The following HPS3 variants were observed in gnomAD, a reference collection of about 807,000 sequenced individuals.
HPS3 encodes the protein BLOC-2 complex member HPS3.
A neutral mutation model predicts 110.9 loss-of-function variants in HPS3; 79 were observed. That is an observed-to-expected ratio of 0.71 (90% confidence interval 0.59 to 0.86). The LOEUF is 0.86. Ranked by LOEUF, HPS3 falls within the 40% of genes least tolerant of loss-of-function variation. HPS3 has a pLI of 0.00. For synonymous variants in HPS3, 428 were observed against 451.0 expected, an observed-to-expected ratio of 0.95 and a Z score of 0.65; for missense variants, 1,197 against 1,206.2, an observed-to-expected ratio of 0.99 and a Z score of 0.11.
At position 149,129,800 on chromosome 3, in the gene HPS3, G is replaced by A; in HGVS notation, c.77G>A (p.Cys26Tyr). The change falls in exon 1 of 17, where the codon TGT becomes TAT. Residue 26 changes from cysteine (C) to tyrosine (Y), a missense_variant. By Grantham distance (194) the Cys-to-Tyr change is radical. Coordinates refer to ENST00000296051, the MANE Select transcript of HPS3 (RefSeq NM_032383.5). ...VPCKLEPDRF[C>Y]GGGRDALFVA... ...TGCAAGCTGGAGCCGGACCGGTTCT[G>A]TGGCGGGGGGCGTGACGCGCTTTTC... 1 of 1,606,504 alleles carries A rather than the reference G, an allele frequency of 6.2e-7. No homozygotes were observed. The highest frequency in any genetic ancestry group is 8.5e-7 in the Non-Finnish European group (1 of 1,178,374).
In HPS3 at chr3:149,172,429, C is replaced by T. The variant is rs1725097839; in HGVS notation, c.*207C>T. 4.1e-6 allele frequency: 2 copies of T among 484,988 alleles called. No individual in the cohort carries two copies. The highest frequency in any genetic ancestry group is 3.3e-5 in the Admixed American group (1 of 30,046). 30.0% of individuals were successfully genotyped at this position (484,988 alleles called of 1,614,324 possible). A position where few individuals can be genotyped will look rare whatever the true frequency, so the allele number is the denominator to read the frequency against. On this transcript the variant is annotated 3_prime_UTR_variant, in exon 17 of 17. Transcript: ENST00000296051. ...AACTATTCACTTCTTAATTTATGACCTCAATCAATTTAATTGTCTAGAATG... is the reference window on the plus strand; with the variant it reads ...AACTATTCACTTCTTAATTTATGACTTCAATCAATTTAATTGTCTAGAATG...
At chr3:149,144,225 A>G (rs1259869059) in intron 4 of HPS3, among the ~76,000 whole-genome samples, 1 of 151,038 alleles carries the variant, frequency 6.6e-6, no homozygotes, top group Non-Finnish European at 1.5e-5. Flanking sequence ...AAAAAAAAAA[A>G]AAAAAAAATT....
rs113015797 is a variant in HPS3, at chr3:149,172,318, T to TCACACA, written c.*129_*134dup. On this transcript the variant is annotated 3_prime_UTR_variant, in exon 17 of 17. Coordinates refer to ENST00000296051, the MANE Select transcript of HPS3 (RefSeq NM_032383.5). ...GTAGAGGAGTTTTTTATTTTATATA[T>TCACACA]CACACACACACACACACACACACAC... 11,323 of 570,908 alleles carry TCACACA rather than the reference T, an allele frequency of 0.02. 102 individuals are homozygous for TCACACA. Among genetic ancestry groups the TCACACA allele is most frequent in the East Asian group, 0.056 (1,522 of 27,016 alleles). The allele number at this position is 570,908 out of a possible 1,614,324, so 35.4% of individuals were successfully genotyped here.
intron 5 of HPS3, among the ~76,000 whole-genome samples, chr3:149,148,012 A>C (rs1722880825): frequency 6.6e-6 from 1 of 152,008 alleles, no homozygotes; most frequent in Non-Finnish European, 1.5e-5. Flanking sequence ...CTGGGATTAT[A>C]GGCACCTGCC....
At chr3:149,145,674 G>GT in intron 5 of HPS3, 128 bp downstream of exon 5, 2 of 797,950 alleles carry the variant, frequency 2.5e-6, no homozygotes, top group Non-Finnish European at 2.2e-6. Context: ...ACATGTCATT[G>GT]TAAGTCTGTC....
At chr3:149,160,818 G>A (rs7646151) in intron 11 of HPS3, among the ~76,000 whole-genome samples, 73,161 of 152,038 alleles carry the variant, frequency 0.48, 18,095 homozygotes, top group African/African-American at 0.59. Flanking sequence ...GAAGAAAATA[G>A]GAGGTAGTGT....
At chr3:149,143,206 G>T (rs12487928) in intron 4 of HPS3, among the ~76,000 whole-genome samples, 51,906 of 151,892 alleles carry the variant, frequency 0.34, 9,607 homozygotes, top group African/African-American at 0.5. Context: ...TAAGCCCATC[G>T]TGTCCCACTC....
chr3:149,133,530 C>G (rs1447156435), intron 1 of HPS3, among the ~76,000 whole-genome samples: 2 of 152,062 alleles, frequency 1.3e-5, no homozygotes, highest in Non-Finnish European at 2.9e-5. Context: ...AACTCCCGAC[C>G]TCAGGTGATC....
At position 149,170,312 on chromosome 3, in the gene HPS3, T is replaced by C. The variant is rs1336810798; in HGVS notation, c.2888-1783T>C. Among the ~76,000 whole-genome samples, 3 of 152,324 alleles carry C rather than the reference T, an allele frequency of 2.0e-5. No individual in the cohort carries two copies. The East Asian group carries it at 5.8e-4, about 29-fold the overall frequency. On this transcript the variant is annotated intron_variant, in intron 16 of 16. Transcript: ENST00000296051. ...AGCTCTCCAACTCAGTTTTTTTGTT[T>C]CTGAGATGCTACTTACAGGCTCCAC...
At chr3:149,145,121 T>C (rs991102319) in intron 4 of HPS3, among the ~76,000 whole-genome samples, 1 of 152,190 alleles carries the variant, frequency 6.6e-6, no homozygotes, top group Non-Finnish European at 1.5e-5. Flanking sequence ...TTAACAGCCA[T>C]TGATGATCAT....
chr3:149,172,324 A>T lies in HPS3; in HGVS notation c.*102A>T, dbSNP rs906148336. The T allele has an allele frequency of 1.4e-5, 9 of 643,418 alleles. No individual in the cohort carries two copies. The highest frequency in any genetic ancestry group is 7.0e-5 in the South Asian group (4 of 57,374). 39.9% of individuals were successfully genotyped at this position (643,418 alleles called of 1,614,324 possible). ...GAGTTTTTTATTTTATATATCACAC[A>T]CACACACACACACACACACACACAC... is the stretch of plus-strand genomic sequence containing the variant. On this transcript the variant is annotated 3_prime_UTR_variant, in exon 17 of 17. Coordinates refer to ENST00000296051, the MANE Select transcript of HPS3 (RefSeq NM_032383.5).
intron 8 of HPS3, among the ~76,000 whole-genome samples, chr3:149,156,574 CT>C (rs35727286): frequency 0.031 from 4,167 of 135,040 alleles, 102 homozygotes; most frequent in African/African-American, 0.081. Context: ...TTAGGGTTTG[CT>C]TTTTTTTTTT....
chr3:149,170,128 G>A (rs1724828693), intron 16 of HPS3, among the ~76,000 whole-genome samples: 1 of 152,184 alleles, frequency 6.6e-6, no homozygotes, highest in African/African-American at 2.4e-5. Flanking sequence ...TTAAAGAGAA[G>A]TTATACATGA....
chr3:149,166,034 G>C (rs1029694480), intron 14 of HPS3: 8 of 456,028 alleles, frequency 1.8e-5, no homozygotes, highest in Non-Finnish European at 3.1e-5. Flanking sequence ...ATATTCTCCT[G>C]TGAGTCTCAG....
chr3:149,133,920 T>A (rs1298435613), intron 1 of HPS3, among the ~76,000 whole-genome samples: 1 of 152,172 alleles, frequency 6.6e-6, no homozygotes, highest in Non-Finnish European at 1.5e-5. Flanking sequence ...TTTATTGCAT[T>A]ATTTGCTTTA....
At chr3:149,130,123 C>T (rs1721668035) in intron 1 of HPS3, 183 bp downstream of exon 1, 5 of 619,030 alleles carry the variant, frequency 8.1e-6, no homozygotes, top group Non-Finnish European at 1.1e-5. Context: ...ATGCGGTTGT[C>T]GCGGCAAGCA....
At chr3:149,167,331 A>G in intron 15 of HPS3, 91 bp downstream of exon 15, 2 of 982,518 alleles carry the variant, frequency 2.0e-6, no homozygotes, top group Non-Finnish European at 3.1e-6. Flanking sequence ...GGGACAATTT[A>G]TGCTAATCCA....
At chr3:149,135,561 A>G (rs899744583) in intron 1 of HPS3, among the ~76,000 whole-genome samples, 2 of 152,194 alleles carry the variant, frequency 1.3e-5, no homozygotes, top group African/African-American at 2.4e-5. Context: ...CCCCCCAGCC[A>G]TGCAGAACTG....
chr3:149,170,984 A>C (rs909803073), intron 16 of HPS3, among the ~76,000 whole-genome samples: 2 of 152,138 alleles, frequency 1.3e-5, no homozygotes, highest in African/African-American at 4.8e-5. Context: ...CTTAATATTT[A>C]AAATGTTCAC....
Sources: allele counts gnomAD v4.1 joint callset (sites outside exome capture counted in the v4.1 genomes callset), GRCh38; gene constraint gnomAD v4.1.1; transcripts MANE v1.5; gene names NCBI Gene and HGNC (gene_info 2026-07-23, HGNC 2026-07-21).